SLC1A1: variants seen among roughly 807,000 people sequenced by gnomAD.
SLC1A1 encodes solute carrier family 1 member 1.
Under a neutral mutation model 53.3 loss-of-function variants are expected in SLC1A1, and 43 were observed. The observed-to-expected ratio is 0.81, with a 90% confidence interval of 0.63 to 1.04. The LOEUF is 1.04. Ranked by LOEUF, SLC1A1 falls within the 50% of genes least tolerant of loss-of-function variation. The pLI is 0.00. For synonymous variants in SLC1A1, 307 were observed against 243.2 expected, an observed-to-expected ratio of 1.26 and a Z score of -2.44; for missense variants, 748 against 664.9, an observed-to-expected ratio of 1.12 and a Z score of -1.37.
chr9:4,583,880 T>TCTCTCTCTCTCTCTCTCTCA lies in SLC1A1; in HGVS notation c.1328+711_1328+712insTCTCTCTCTCTCTCTCACTC, dbSNP rs1271066004. 6.8e-5 allele frequency among the ~76,000 whole-genome samples: 9 copies of TCTCTCTCTCTCTCTCTCTCA among 131,728 alleles called. No individual in the cohort carries two copies. The highest frequency in any genetic ancestry group is 5.3e-4 in the Admixed American group (7 of 13,158). The allele number at this position is 131,728 out of a possible 152,430, so 86.4% of individuals were successfully genotyped here. On this transcript the variant is annotated intron_variant, in intron 11 of 11. Transcript: ENST00000262352. The surrounding 1 kb of genome is among the most constrained non-coding windows in gnomAD (Gnocchi z 4.6). ...CTCTCTCTCTCTCTCTCTCTCTCTC[T>TCTCTCTCTCTCTCTCTCTCA]CTCACACACACACACACACACACAC...
intron 1 of SLC1A1, among the ~76,000 whole-genome samples, chr9:4,497,765 A>G (rs1274423828): frequency 6.6e-6 from 1 of 152,242 alleles, no homozygotes; most frequent in African/African-American, 2.4e-5. Flanking sequence ...ACTAAAAAAT[A>G]AAATGAGGCC....
intron 2 of SLC1A1, chr9:4,560,181 A>C (rs541045087): frequency 6.6e-6 from 1 of 152,356 alleles, no homozygotes; most frequent in South Asian, 2.1e-4. Flanking sequence ...AGCTATACAC[A>C]ATAAGGTTGT....
rs1821598616 is a variant in SLC1A1, at chr9:4,586,742, GC to G, written c.*1185del. ...TTCCATGGGTTGAACAAGCCACGTT[GC>G]AGAAAAAGAGCTTCCCCTAACCTGG... On this transcript the variant is annotated 3_prime_UTR_variant, in exon 12 of 12. Transcript: ENST00000262352. The G allele has an allele frequency of 6.6e-6, 1 of 152,166 alleles. No homozygotes were observed. The highest frequency in any genetic ancestry group is 2.4e-5 in the African/African-American group (1 of 41,450). 9.4% of individuals were successfully genotyped at this position (152,166 alleles called of 1,614,324 possible). A position where few individuals can be genotyped will look rare whatever the true frequency, so the allele number is the denominator to read the frequency against.
At chr9:4,555,836 G>T (rs1404796652) in intron 2 of SLC1A1, among the ~76,000 whole-genome samples, 1 of 152,178 alleles carries the variant, frequency 6.6e-6, no homozygotes, top group East Asian at 1.9e-4. Context: ...CTCCGCACCA[G>T]GGCTTCACAA....
chr9:4,580,601 ATGTGTGTGTGTG>A (rs71326118), intron 10 of SLC1A1, among the ~76,000 whole-genome samples: 30 of 69,692 alleles, frequency 4.3e-4, no homozygotes, highest in South Asian at 1.7e-3. Flanking sequence ...AAAAATATAT[ATGTGTGTGTGTG>A]TGTGTGTGTG....
At chr9:4,558,509 A>G (rs1179071488) in intron 2 of SLC1A1, among the ~76,000 whole-genome samples, 1 of 152,170 alleles carries the variant, frequency 6.6e-6, no homozygotes, top group Non-Finnish European at 1.5e-5. Context: ...GACAGAGGGG[A>G]AATTGGATGA....
intron 1 of SLC1A1, among the ~76,000 whole-genome samples, chr9:4,507,241 G>GA (rs113683841): frequency 0.02 from 2,836 of 143,722 alleles, 33 homozygotes; most frequent in Middle Eastern, 0.067. Context: ...TCTCAAAAAA[G>GA]AAAAAAAAAA....
intron 1 of SLC1A1, among the ~76,000 whole-genome samples, chr9:4,507,709 T>G (rs1227443586): frequency 6.6e-6 from 1 of 152,150 alleles, no homozygotes; most frequent in Non-Finnish European, 1.5e-5. Flanking sequence ...GTACTTCGAC[T>G]TAGCATTCTG....
chr9:4,516,744 T>C (rs972488101), intron 1 of SLC1A1, among the ~76,000 whole-genome samples: 8 of 152,326 alleles, frequency 5.3e-5, no homozygotes, highest in Non-Finnish European at 8.8e-5. Flanking sequence ...AACTAATCTT[T>C]GTATATTATA....
intron 1 of SLC1A1, among the ~76,000 whole-genome samples, chr9:4,498,745 A>G (rs17811535): frequency 0.033 from 5,063 of 151,176 alleles, 133 homozygotes; most frequent in South Asian, 0.06. Flanking sequence ...ACTACTAATT[A>G]GTTTCCATAA....
In SLC1A1 at chr9:4,547,753, C is replaced by A. The variant is rs192964236; in HGVS notation, c.232+3046C>A. 1.9e-4 allele frequency among the ~76,000 whole-genome samples: 28 copies of A among 150,398 alleles called. 1 individual carries two copies. The East Asian group carries it at 1.9e-3, about 10-fold the overall frequency. On this transcript the variant is annotated intron_variant, in intron 2 of 11. Coordinates refer to ENST00000262352, the MANE Select transcript of SLC1A1 (RefSeq NM_004170.6). The stretch of plus-strand genomic sequence containing the variant: ...TGTAATGGTGATAAATTATAAGCAA[C>A]CTAAATGTATACAAATTTATATTGT...
chr9:4,564,226 G>C, intron 3 of SLC1A1, 118 bp from the exon 4 acceptor site: 1 of 748,404 alleles, frequency 1.3e-6, no homozygotes, highest in South Asian at 1.5e-5. Flanking sequence ...CTGGACCTCA[G>C]GGTCCTCCCC....
At position 4,551,317 on chromosome 9, in the gene SLC1A1, G is replaced by A. The variant is rs146710120; in HGVS notation, c.232+6610G>A. On this transcript the variant is annotated intron_variant, in intron 2 of 11. Coordinates refer to ENST00000262352, the MANE Select transcript of SLC1A1 (RefSeq NM_004170.6). Reference sequence around the variant, plus strand: ...AAAGAACCATGCCACGTGCCTCCCCGAGACAAGGTTCAGTTTTATTCAGCT... The same window carrying A: ...AAAGAACCATGCCACGTGCCTCCCCAAGACAAGGTTCAGTTTTATTCAGCT... 7.3e-3 allele frequency among the ~76,000 whole-genome samples: 1,115 copies of A among 152,014 alleles called. 12 individuals are homozygous for A. The highest frequency in any genetic ancestry group is 0.024 in the African/African-American group (987 of 41,436).
At chr9:4,567,341 G>C (rs1191748476) in intron 5 of SLC1A1, among the ~76,000 whole-genome samples, 1 of 152,174 alleles carries the variant, frequency 6.6e-6, no homozygotes, top group African/African-American at 2.4e-5. Context: ...TCCTTACAGA[G>C]TCTGTCTCTG....
Position 4,578,378 on chromosome 9 carries a change from A to G in SLC1A1, c.1193+1615A>G, listed in dbSNP as rs1393957799. ...TAAGTAATATGCATATAAAATGTTT[A>G]TAACTGTGCCTATGTAGTGAGTACT... On this transcript the variant is annotated intron_variant, in intron 10 of 11. Transcript: ENST00000262352. 4.6e-5 allele frequency among the ~76,000 whole-genome samples: 7 copies of G among 152,246 alleles called. No homozygotes were observed. In the South Asian group the frequency reaches 1.5e-3, roughly 32 times the overall value.
intron 1 of SLC1A1, among the ~76,000 whole-genome samples, chr9:4,493,182 C>T (rs1820297593): frequency 6.6e-6 from 1 of 152,174 alleles, no homozygotes; most frequent in Non-Finnish European, 1.5e-5. Flanking sequence ...TGAAATCTTC[C>T]TAGATATTTG....
rs571304939 is a variant in SLC1A1 at position 4,542,412 on chromosome 9, T to C, written c.92-2155T>C. On this transcript the variant is annotated intron_variant, in intron 1 of 11. Transcript: ENST00000262352. Reference sequence around the variant, plus strand: ...GGCTGAAAAATAGCAAGTACATATCTTTCTAATGACCCTACATTAATTTAG... The same window carrying C: ...GGCTGAAAAATAGCAAGTACATATCCTTCTAATGACCCTACATTAATTTAG... Among the ~76,000 whole-genome samples the C allele has an allele frequency of 2.9e-4, 44 of 152,320 alleles. No homozygotes were observed. In the South Asian group the frequency reaches 9.1e-3, roughly 32 times the overall value.
At chr9:4,521,702 C>T (rs1305711159) in intron 1 of SLC1A1, among the ~76,000 whole-genome samples, 1 of 152,138 alleles carries the variant, frequency 6.6e-6, no homozygotes, top group South Asian at 2.1e-4. Context: ...CATTTAGGCT[C>T]AACCGTGACT....
chr9:4,558,560 T>A (rs559790937), intron 2 of SLC1A1, among the ~76,000 whole-genome samples: 4 of 152,302 alleles, frequency 2.6e-5, no homozygotes, highest in Non-Finnish European at 4.4e-5. Flanking sequence ...TTCACCAAGA[T>A]CTCATTATTA....
Sources: allele counts gnomAD v4.1 joint callset (sites outside exome capture counted in the v4.1 genomes callset), GRCh38; gene constraint gnomAD v4.1.1; non-coding constraint Gnocchi (gnomAD v3.1); transcripts MANE v1.5; gene names NCBI Gene and HGNC (gene_info 2026-07-23, HGNC 2026-07-21).